UNC5D: variants seen among roughly 807,000 people sequenced by gnomAD.
The protein encoded by UNC5D is netrin receptor UNC5D.
UNC5D carries 39 observed loss-of-function variants against 105.4 expected under a neutral mutation model. The ratio of observed to expected loss-of-function variants is 0.37; its 90% CI spans 0.29 to 0.48. The LOEUF is 0.48. Among genes scored for constraint, UNC5D ranks in the 20% least tolerant of loss-of-function variants. The probability of loss-of-function intolerance (pLI) is 0.98; values close to 1 mark genes in which losing one functional copy is unlikely to be tolerated. For missense variants in UNC5D, 991 were observed against 1,202.4 expected (o/e 0.82, Z 2.60); for synonymous variants, 452 against 450.4 (o/e 1.00, Z -0.04).
At chr8:35,384,136 T>G (rs930247537) in intron 1 of UNC5D, among the ~76,000 whole-genome samples, 1 of 149,974 alleles carries the variant, frequency 6.7e-6, no homozygotes, top group Non-Finnish European at 1.5e-5. Flanking sequence ...GAATGGCTGG[T>G]GTGAACCTGT....
At chr8:35,763,250 A>G (rs765243479) in intron 14 of UNC5D, among the ~76,000 whole-genome samples, 7 of 152,162 alleles carry the variant, frequency 4.6e-5, no homozygotes, top group Non-Finnish European at 7.4e-5. Flanking sequence ...ATTGTGTTCA[A>G]TGGAATGGAA....
At position 35,767,014 on chromosome 8, in the gene UNC5D, G is replaced by A. The variant is rs1801804369; in HGVS notation, c.2426G>A (p.Arg809Gln). The change falls in exon 15 of 17, where the codon CGG becomes CAG. Residue 809 changes from arginine to glutamine, a missense_variant. Physicochemically the swap from Arg to Gln is conservative, Grantham distance 43. Around this residue, in one of 3 missense-constraint regions of UNC5D, gnomAD observed 944 missense variants for 1,131.6 expected, o/e 0.83. Coordinates refer to ENST00000404895, the MANE Select transcript of UNC5D (RefSeq NM_080872.4). ...CAGCTGTCCTGCAAAATCTGCATTC[G>A]GCAGCTCAAAGGCCATGAACAGATC... ...TTQLSCKICI[R>Q]QLKGHEQILQ... 2.5e-6 allele frequency: 4 copies of A among 1,613,790 alleles called. No homozygotes were observed. The highest frequency in any genetic ancestry group is 2.2e-5 in the East Asian group (1 of 44,864).
intron 1 of UNC5D, among the ~76,000 whole-genome samples, chr8:35,447,004 A>G (rs1016057462): frequency 2.6e-5 from 4 of 152,090 alleles, no homozygotes; most frequent in African/African-American, 9.7e-5. Context: ...AGCGACTCCC[A>G]TCACCACCAC....
At chr8:35,466,675 G>T (rs1240489309) in intron 1 of UNC5D, among the ~76,000 whole-genome samples, 1 of 152,102 alleles carries the variant, frequency 6.6e-6, no homozygotes, top group African/African-American at 2.4e-5. Context: ...GAAAAGTTTG[G>T]ATTTCAACAG....
chr8:35,681,879 T>G (rs181542146), intron 4 of UNC5D, among the ~76,000 whole-genome samples: 1 of 152,198 alleles, frequency 6.6e-6, no homozygotes, highest in African/African-American at 2.4e-5. Context: ...GGAAGGATCC[T>G]AATATGTTTT....
chr8:35,490,943 G>T, intron 1 of UNC5D, among the ~76,000 whole-genome samples: 1 of 150,900 alleles, frequency 6.6e-6, no homozygotes, highest in African/African-American at 2.4e-5. Flanking sequence ...ACTCACCTAT[G>T]GAATTCCTTT....
chr8:35,292,716 C>CTTTTTTTTTT (rs35935733), intron 1 of UNC5D, among the ~76,000 whole-genome samples: 4 of 123,636 alleles, frequency 3.2e-5, no homozygotes, highest in Non-Finnish European at 4.9e-5. Flanking sequence ...CTTTTTTTTC[C>CTTTTTTTTTT]TTTTTTTTTT....
At chr8:35,591,252 T>C (rs1365912417) in intron 3 of UNC5D, among the ~76,000 whole-genome samples, 3 of 149,432 alleles carry the variant, frequency 2.0e-5, no homozygotes, top group Non-Finnish European at 4.4e-5. Context: ...CTATGCTTTT[T>C]ACAAAAAAAA....
chr8:35,672,644 T>C (rs1232826163), intron 4 of UNC5D, among the ~76,000 whole-genome samples: 2 of 152,192 alleles, frequency 1.3e-5, no homozygotes, highest in African/African-American at 4.8e-5. Context: ...ACAAGCTGTC[T>C]TTTGATTACA....
At chr8:35,668,696 A>G (rs1586378798) in intron 4 of UNC5D, among the ~76,000 whole-genome samples, 1 of 152,208 alleles carries the variant, frequency 6.6e-6, no homozygotes, top group African/African-American at 2.4e-5. Context: ...AATATTGAGA[A>G]AAGTTAACAG....
At chr8:35,419,998 G>A (rs1248458346) in intron 1 of UNC5D, among the ~76,000 whole-genome samples, 1 of 152,176 alleles carries the variant, frequency 6.6e-6, no homozygotes, top group East Asian at 1.9e-4. Flanking sequence ...GGCTCGGAAT[G>A]GGGGAGTGCA....
intron 10 of UNC5D, among the ~76,000 whole-genome samples, chr8:35,730,716 C>T (rs1376352297): frequency 6.6e-6 from 1 of 151,966 alleles, no homozygotes; most frequent in Non-Finnish European, 1.5e-5. Context: ...ATGTTTAATA[C>T]TGCCTGGTCT....
chr8:35,638,178 A>C (rs1010792185), intron 4 of UNC5D, among the ~76,000 whole-genome samples: 1 of 152,196 alleles, frequency 6.6e-6, no homozygotes, highest in African/African-American at 2.4e-5. Flanking sequence ...CTTCCTGTAC[A>C]TATTTTTTTG....
At chr8:35,520,615 T>C (rs948909329) in intron 1 of UNC5D, among the ~76,000 whole-genome samples, 1 of 152,182 alleles carries the variant, frequency 6.6e-6, no homozygotes, top group Admixed American at 6.5e-5. Context: ...GTATGTATTC[T>C]GCTGCAGGTT....
At chr8:35,718,421 A>G (rs768364700) in intron 8 of UNC5D, among the ~76,000 whole-genome samples, 30 of 152,198 alleles carry the variant, frequency 2.0e-4, no homozygotes, top group Non-Finnish European at 4.4e-4. Context: ...AAATGAAAAG[A>G]GAGTCCTGGC....
intron 15 of UNC5D, among the ~76,000 whole-genome samples, chr8:35,773,351 G>A (rs1460441382): frequency 6.6e-6 from 1 of 151,992 alleles, no homozygotes; most frequent in Non-Finnish European, 1.5e-5. Flanking sequence ...TATACAGGCT[G>A]GTCTATATGT....
intron 4 of UNC5D, among the ~76,000 whole-genome samples, chr8:35,612,723 CTTTTT>C (rs57450378): frequency 6.2e-5 from 4 of 64,746 alleles, no homozygotes; most frequent in Admixed American, 4.8e-4. Flanking sequence ...AATGTTTTGC[CTTTTT>C]TTTTTTTTTT....
At chr8:35,737,250 C>CTCTG (rs1172229968) in intron 11 of UNC5D, among the ~76,000 whole-genome samples, 1 of 122,442 alleles carries the variant, frequency 8.2e-6, no homozygotes, top group African/African-American at 3.4e-5. Flanking sequence ...GCAAGATCTG[C>CTCTG]TCTGTGTGTG....
chr8:35,668,921 G>A (rs946276009), intron 4 of UNC5D, among the ~76,000 whole-genome samples: 2 of 151,884 alleles, frequency 1.3e-5, no homozygotes, highest in Non-Finnish European at 2.9e-5. Context: ...ATGAATTTCT[G>A]ATTTGTCTGT....
Sources: gnomAD v4.1 joint callset for allele counts (sites outside exome capture counted in the v4.1 genomes callset) on GRCh38, gnomAD v4.1.1 for gene constraint, gnomAD v4.1.1 regional missense constraint, MANE v1.5 for transcripts, NCBI Gene and HGNC (gene_info 2026-07-23, HGNC 2026-07-21) for gene names.